The following CACNA1C variants were observed in gnomAD, a reference collection of about 807,000 sequenced individuals.
The protein encoded by CACNA1C is voltage-dependent L-type calcium channel subunit alpha-1C.
CACNA1C carries 30 observed loss-of-function variants against 229.0 expected under a neutral mutation model. That is an observed-to-expected ratio of 0.13 (90% CI 0.10 to 0.18). The LOEUF (loss-of-function observed/expected upper bound fraction) is 0.18, where lower values mean the gene tolerates loss of function less well. Among genes scored for constraint, CACNA1C ranks in the 10% least tolerant of loss-of-function variants. The pLI, the probability that CACNA1C is intolerant of heterozygous loss-of-function variation, is 1.00. For synonymous variants in CACNA1C, 1,114 were observed against 1,132.5 expected (o/e 0.98, Z 0.33); for missense variants, 1,658 against 2,845.0 (o/e 0.58, Z 9.49).
chr12:2,199,477 C>T (rs1032712652), intron 3 of CACNA1C, among the ~76,000 whole-genome samples: 8 of 152,104 alleles, frequency 5.3e-5, no homozygotes, highest in African/African-American at 1.9e-4. Context: ...CTCTAGCTTA[C>T]TCTACTGTAA....
rs2099774517 is a variant in CACNA1C at position 2,507,552 on chromosome 12, A to C, written c.1217+2607A>C. ...CACCCACTTATTCATCAGACTTCTGATTAAGCTACACTTCCAGAAGCATTC... is the reference window on the plus strand; with the variant it reads ...CACCCACTTATTCATCAGACTTCTGCTTAAGCTACACTTCCAGAAGCATTC... On this transcript the variant is annotated intron_variant, in intron 8 of 46. Transcript: ENST00000399655. Among the ~76,000 whole-genome samples the C allele has an allele frequency of 2.0e-5, 3 of 152,320 alleles. No homozygotes were observed. The East Asian group carries it at 5.8e-4, about 29-fold the overall frequency.
intron 3 of CACNA1C, among the ~76,000 whole-genome samples, chr12:2,148,958 A>AT (rs1024187988): frequency 2.4e-4 from 37 of 151,936 alleles, no homozygotes; most frequent in African/African-American, 4.1e-4. Context: ...CTAACAGTTT[A>AT]TTTTTTTGAC....
intron 5 of CACNA1C, among the ~76,000 whole-genome samples, chr12:2,475,354 A>G (rs1200952697): frequency 4.6e-5 from 7 of 152,206 alleles, no homozygotes; most frequent in Non-Finnish European, 7.3e-5. Context: ...CCAAATAACT[A>G]TATACACAAG....
At chr12:2,019,216 C>T (rs2470423) in intron 1 of CACNA1C, among the ~76,000 whole-genome samples, 1 of 152,074 alleles carries the variant, frequency 6.6e-6, no homozygotes, top group Non-Finnish European at 1.5e-5. Flanking sequence ...AATCCTGACC[C>T]TTTGGGAGGT....
chr12:2,446,356 G>A (rs1462383600), intron 3 of CACNA1C, among the ~76,000 whole-genome samples: 5 of 145,470 alleles, frequency 3.4e-5, no homozygotes, highest in Non-Finnish European at 4.5e-5. Flanking sequence ...ATGTATGTAT[G>A]TGTGTGGGTG....
intron 30 of CACNA1C, among the ~76,000 whole-genome samples, chr12:2,645,479 A>C (rs2094240363): frequency 6.6e-6 from 1 of 152,232 alleles, no homozygotes; most frequent in African/African-American, 2.4e-5. Context: ...GTGGCAAACC[A>C]CAGAAACTAA....
intron 3 of CACNA1C, among the ~76,000 whole-genome samples, chr12:2,291,829 C>G (rs1458314670): frequency 1.3e-5 from 2 of 152,192 alleles, no homozygotes; most frequent in East Asian, 3.9e-4. Flanking sequence ...AAGAGTGATT[C>G]ACATGCAGGA....
At chr12:2,309,317 A>T (rs1377944163) in intron 3 of CACNA1C, among the ~76,000 whole-genome samples, 1 of 152,226 alleles carries the variant, frequency 6.6e-6, no homozygotes, top group Non-Finnish European at 1.5e-5. Context: ...AGAGTAGAAC[A>T]TGTGTTGCCA....
intron 3 of CACNA1C, among the ~76,000 whole-genome samples, chr12:2,306,311 C>T (rs1025614691): frequency 3.3e-5 from 5 of 152,188 alleles, no homozygotes; most frequent in Admixed American, 1.3e-4. Flanking sequence ...TGCGCTCTGC[C>T]GTCTGACACC....
rs183308502 is a variant in CACNA1C at position 2,040,899 on chromosome 12, A to T, written c.139+69698A>T. 4.3e-3 allele frequency among the ~76,000 whole-genome samples: 655 copies of T among 152,358 alleles called. 7 individuals are homozygous for T. Among genetic ancestry groups the T allele is most frequent in the African/African-American group, 0.015 (607 of 41,574 alleles). On this transcript the variant is annotated intron_variant, in intron 1 of 46. Coordinates refer to the CACNA1C transcript ENST00000682462. ...TTGAGGGAACTGATACTCAAAGAAC[A>T]TTAAGAGACCTGGCTAAAGTTACAC...
At chr12:2,690,862 T>G (rs1442393510) in intron 46 of CACNA1C, 38 bp from the exon 47 acceptor site, 1 of 1,502,494 alleles carries the variant, frequency 6.7e-7, no homozygotes, top group Non-Finnish European at 8.9e-7. Flanking sequence ...GGAGTAATGT[T>G]CCTTTGGTTC....
intron 3 of CACNA1C, among the ~76,000 whole-genome samples, chr12:2,247,131 G>A (rs2073679324): frequency 6.6e-6 from 1 of 152,146 alleles, no homozygotes; most frequent in South Asian, 2.1e-4. Flanking sequence ...TTTTTTTCCA[G>A]TTTTCACCCT....
At chr12:2,374,650 C>T (rs2097983396) in intron 3 of CACNA1C, among the ~76,000 whole-genome samples, 2 of 152,238 alleles carry the variant, frequency 1.3e-5, no homozygotes, top group African/African-American at 2.4e-5. Flanking sequence ...GTTTGTCTTC[C>T]CCTCTTCTGT....
intron 3 of CACNA1C, among the ~76,000 whole-genome samples, chr12:2,159,826 A>C: frequency 6.6e-6 from 1 of 151,760 alleles, no homozygotes; most frequent in East Asian, 1.9e-4. Flanking sequence ...CTGGTAGCGA[A>C]CTCCTGACCT....
chr12:2,499,793 C>T (rs1358096633), intron 7 of CACNA1C, among the ~76,000 whole-genome samples: 1 of 151,836 alleles, frequency 6.6e-6, no homozygotes, highest in African/African-American at 2.4e-5. Flanking sequence ...AGGGTGTCAG[C>T]AATCTGGGTC....
Position 2,652,923 on chromosome 12 carries a change from A to G in CACNA1C, c.4075-912A>G, listed in dbSNP as rs180686914. 5.5e-3 allele frequency among the ~76,000 whole-genome samples: 832 copies of G among 152,310 alleles called. 7 individuals carry two copies. Among genetic ancestry groups the G allele is most frequent in the African/African-American group, 0.019 (777 of 41,572 alleles). ...CCCGACATCTCCTGGGGCTGGGAAG[A>G]GGCACAGACCGGGTGACTGCGAGGG... On this transcript the variant is annotated intron_variant, in intron 32 of 46. Transcript: ENST00000399655.
intron 7 of CACNA1C, among the ~76,000 whole-genome samples, chr12:2,501,148 G>C (rs2099758867): frequency 7.3e-6 from 1 of 137,746 alleles, no homozygotes; most frequent in Admixed American, 7.7e-5. Context: ...GGTGGAGCTT[G>C]CTGTGAGCCA....
intron 3 of CACNA1C, among the ~76,000 whole-genome samples, chr12:2,277,425 A>G (rs2089212620): frequency 8.0e-6 from 1 of 124,282 alleles, no homozygotes; most frequent in Non-Finnish European, 1.7e-5. Context: ...ACACACACAC[A>G]CACTGAGGGC....
intron 1 of CACNA1C, among the ~76,000 whole-genome samples, chr12:2,087,388 G>A (rs1324820211): frequency 6.6e-6 from 1 of 152,198 alleles, no homozygotes; most frequent in African/African-American, 2.4e-5. Context: ...TCTGTTTTTA[G>A]AGATAATTAG....
Sources: allele counts gnomAD v4.1 joint callset (sites outside exome capture counted in the v4.1 genomes callset), GRCh38; gene constraint gnomAD v4.1.1; transcripts MANE v1.5; gene names NCBI Gene and HGNC (gene_info 2026-07-23, HGNC 2026-07-21).